SLC25A21: variants seen among roughly 807,000 people sequenced by gnomAD.
SLC25A21 encodes the protein solute carrier family 25 member 21.
Under a neutral mutation model 43.8 loss-of-function variants are expected in SLC25A21, and 47 were observed. That is an observed-to-expected ratio of 1.07 (90% confidence interval 0.85 to 1.37). The LOEUF is 1.37. SLC25A21 is among the 40% of genes most tolerant of loss of function. SLC25A21 has a pLI of 0.00. For synonymous variants in SLC25A21, 131 were observed against 121.3 expected, an observed-to-expected ratio of 1.08 and a Z score of -0.52; for missense variants, 352 against 350.2, an observed-to-expected ratio of 1.00 and a Z score of -0.04.
intron 1 of SLC25A21, among the ~76,000 whole-genome samples, chr14:37,134,678 A>G (rs1255614538): frequency 6.6e-6 from 1 of 151,770 alleles, no homozygotes; most frequent in East Asian, 1.9e-4. Context: ...GAAAGAAAGA[A>G]AAGAAAAGAA....
Position 36,729,434 on chromosome 14 carries a change from AAG to A in SLC25A21, c.330+71_330+72del, listed in dbSNP as rs952158352. The A allele has an allele frequency of 1.3e-5, 16 of 1,189,722 alleles. No homozygotes were observed. In the African/African-American group the frequency reaches 2.4e-4, roughly 18 times the overall value. The allele number at this position is 1,189,722 out of a possible 1,614,324, so 73.7% of individuals were successfully genotyped here. ...TTTAGTAGCTGGGCTTGGAAATCAA[AAG>A]AGTTTTTGTTTCTAGATTTTGCTTT... On this transcript the variant is annotated intron_variant, in intron 5 of 9. Coordinates refer to ENST00000331299, the MANE Select transcript of SLC25A21 (RefSeq NM_030631.4).
chr14:37,048,400 G>A (rs964248801), intron 1 of SLC25A21, among the ~76,000 whole-genome samples: 3 of 151,652 alleles, frequency 2.0e-5, no homozygotes, highest in Non-Finnish European at 4.4e-5. Flanking sequence ...TCAATCAACT[G>A]TTTCCTAAGG....
intron 3 of SLC25A21, among the ~76,000 whole-genome samples, chr14:36,797,661 T>C (rs1012062002): frequency 6.6e-6 from 1 of 152,208 alleles, no homozygotes; most frequent in African/African-American, 2.4e-5. Context: ...TTAAAACCCT[T>C]GCTGTGAAAC....
chr14:37,067,549 C>T (rs528337987), intron 1 of SLC25A21, among the ~76,000 whole-genome samples: 2 of 152,114 alleles, frequency 1.3e-5, no homozygotes, highest in East Asian at 3.9e-4. Context: ...AAAGGATATA[C>T]TACAAGCGGA....
In SLC25A21 at chr14:36,824,802, T is replaced by TAAAAAAAAAA. The variant is rs11386652; in HGVS notation, c.120-10811_120-10802dup. On this transcript the variant is annotated intron_variant, in intron 2 of 9. Transcript: ENST00000331299. Reference sequence around the variant, plus strand: ...ACAGTGAAGTTTATCTCTGGAATCCTAAAAAAAAAAAAAAAAAAAAAGCCC... The same window carrying TAAAAAAAAAA: ...ACAGTGAAGTTTATCTCTGGAATCCTAAAAAAAAAAAAAAAAAAAAAAAAAAAAAAAGCCC... Among the ~76,000 whole-genome samples, 2 of 99,598 alleles carry TAAAAAAAAAA rather than the reference T, an allele frequency of 2.0e-5. 1 individual carries two copies. Among genetic ancestry groups the TAAAAAAAAAA allele is most frequent in the African/African-American group, 8.0e-5 (2 of 24,854 alleles). 65.3% of individuals were successfully genotyped at this position (99,598 alleles called of 152,430 possible). A position where few individuals can be genotyped will look rare whatever the true frequency, so the allele number is the denominator to read the frequency against.
chr14:37,054,149 A>G (rs139246287), intron 1 of SLC25A21, among the ~76,000 whole-genome samples: 44 of 152,282 alleles, frequency 2.9e-4, no homozygotes, highest in African/African-American at 9.1e-4. Context: ...TCTCTTGGGG[A>G]ACATTCTCTG....
chr14:36,894,295 GA>G (rs1186937698), intron 1 of SLC25A21, among the ~76,000 whole-genome samples: 5 of 152,136 alleles, frequency 3.3e-5, no homozygotes, highest in African/African-American at 4.8e-5. Context: ...TATTCTCTTT[GA>G]AGCAATTGTG....
chr14:37,092,311 G>A (rs998310668), intron 1 of SLC25A21, among the ~76,000 whole-genome samples: 4 of 152,154 alleles, frequency 2.6e-5, no homozygotes, highest in Non-Finnish European at 4.4e-5. Context: ...AGCTACTGCA[G>A]TAATAGTGTG....
chr14:36,993,065 G>A (rs75929792), intron 1 of SLC25A21, among the ~76,000 whole-genome samples: 185 of 152,292 alleles, frequency 1.2e-3, no homozygotes, highest in African/African-American at 4.2e-3. Flanking sequence ...TGGAATGAGA[G>A]TGAACATATT....
intron 1 of SLC25A21, among the ~76,000 whole-genome samples, chr14:37,109,764 A>G (rs917012958): frequency 6.6e-6 from 1 of 152,162 alleles, no homozygotes; most frequent in South Asian, 2.1e-4. Flanking sequence ...AGAAGATTAT[A>G]TCTTTGGTCC....
At chr14:36,743,054 T>G (rs554461002) in intron 3 of SLC25A21, among the ~76,000 whole-genome samples, 1 of 152,210 alleles carries the variant, frequency 6.6e-6, no homozygotes, top group African/African-American at 2.4e-5. Flanking sequence ...ATTTAGGAGG[T>G]AAGTCCATGG....
intron 3 of SLC25A21, among the ~76,000 whole-genome samples, chr14:36,809,401 T>A (rs1009667997): frequency 4.6e-5 from 7 of 152,128 alleles, no homozygotes; most frequent in African/African-American, 1.7e-4. Flanking sequence ...TTACTTGGAG[T>A]TTGGAATGCC....
At chr14:36,871,553 G>A (rs1486054613) in intron 2 of SLC25A21, among the ~76,000 whole-genome samples, 1 of 152,134 alleles carries the variant, frequency 6.6e-6, no homozygotes, top group Non-Finnish European at 1.5e-5. Flanking sequence ...TGTCTTAATT[G>A]ACACAAGGCT....
chr14:36,772,504 C>A (rs1886657166), intron 3 of SLC25A21, among the ~76,000 whole-genome samples: 2 of 152,072 alleles, frequency 1.3e-5, no homozygotes, highest in African/African-American at 2.4e-5. Flanking sequence ...GACTACTTTT[C>A]TTTTTCATAG....
chr14:37,081,128 A>G (rs1277508044), intron 1 of SLC25A21, among the ~76,000 whole-genome samples: 4 of 152,170 alleles, frequency 2.6e-5, no homozygotes, highest in Admixed American at 2.6e-4. Context: ...CCTGATCATG[A>G]TCCCTGTAAA....
intron 1 of SLC25A21, among the ~76,000 whole-genome samples, chr14:37,045,371 T>C (rs540929743): frequency 1.3e-5 from 2 of 152,338 alleles, no homozygotes; most frequent in South Asian, 4.1e-4. Context: ...TTTAAAAATC[T>C]ATTACTTTCC....
intron 1 of SLC25A21, among the ~76,000 whole-genome samples, chr14:37,142,656 T>C (rs748729965): frequency 6.6e-6 from 1 of 152,174 alleles, no homozygotes; most frequent in Non-Finnish European, 1.5e-5. Flanking sequence ...GCCTAAAAGA[T>C]TTTTTTAACG....
chr14:36,745,457 C>G (rs1594546506), intron 3 of SLC25A21, among the ~76,000 whole-genome samples: 3 of 152,038 alleles, frequency 2.0e-5, no homozygotes, highest in African/African-American at 7.2e-5. Flanking sequence ...TACACTCCCA[C>G]CAACAGTGTA....
chr14:36,703,166 C>T (rs930023358), intron 7 of SLC25A21, among the ~76,000 whole-genome samples: 8 of 152,226 alleles, frequency 5.3e-5, no homozygotes, highest in African/African-American at 1.9e-4. Flanking sequence ...ATTAAATGGT[C>T]ATAAATTAAA....
Sources: allele counts gnomAD v4.1 joint callset (sites outside exome capture counted in the v4.1 genomes callset), GRCh38; gene constraint gnomAD v4.1.1; transcripts MANE v1.5; gene names NCBI Gene and HGNC (gene_info 2026-07-23, HGNC 2026-07-21).